XKR9: variants seen among roughly 807,000 people sequenced by gnomAD.
The protein encoded by XKR9 is XK-related protein 9.
In XKR9, 32 loss-of-function variants were observed where a neutral mutation model predicts 32.0. The ratio of observed to expected loss-of-function variants is 1.00; its 90% confidence interval spans 0.76 to 1.34. XKR9 has a LOEUF of 1.34. Ranked by LOEUF, XKR9 falls within the 40% of genes most tolerant of loss-of-function variation. The probability of loss-of-function intolerance (pLI) is 0.00; values close to 1 mark genes in which losing one functional copy is unlikely to be tolerated. For missense variants in XKR9, 546 were observed against 429.7 expected, an observed-to-expected ratio of 1.27 and a Z score of -2.39; for synonymous variants, 168 against 143.4, an observed-to-expected ratio of 1.17 and a Z score of -1.22.
chr8:70,975,424 T>C, the XKR9 span, among the ~76,000 whole-genome samples: 3 of 152,196 alleles, frequency 2.0e-5, no homozygotes, highest in African/African-American at 7.2e-5. Context: ...TTGTATAAGG[T>C]GTAAGGAAGG....
At chr8:70,680,150 TTC>T (rs1451149274) in intron 2 of XKR9, among the ~76,000 whole-genome samples, 1 of 152,160 alleles carries the variant, frequency 6.6e-6, no homozygotes, top group Non-Finnish European at 1.5e-5. Context: ...ATTTGCTTTT[TTC>T]ACTTAAAACA....
At chr8:70,703,673 T>C in intron 3 of XKR9, among the ~76,000 whole-genome samples, 1 of 152,200 alleles carries the variant, frequency 6.6e-6, no homozygotes, top group Non-Finnish European at 1.5e-5. Context: ...CTTTTGTTGC[T>C]CTTTTCTGCC....
the XKR9 span, among the ~76,000 whole-genome samples, chr8:70,873,988 A>G: frequency 5.9e-5 from 9 of 152,202 alleles, no homozygotes; most frequent in Non-Finnish European, 8.8e-5. Flanking sequence ...ACCAACCCTG[A>G]GGTGTAACCC....
the XKR9 span, among the ~76,000 whole-genome samples, chr8:70,958,932 T>C: frequency 1.3e-5 from 2 of 149,554 alleles, no homozygotes; most frequent in African/African-American, 4.9e-5. Flanking sequence ...AATTTGTGTG[T>C]ATATATATAT....
chr8:70,781,071 C>A (rs1385105695), intron 2 of XKR9: 1 of 151,976 alleles, frequency 6.6e-6, no homozygotes, highest in Non-Finnish European at 1.5e-5. Flanking sequence ...ACCAATAATT[C>A]TTTTCATTTT....
At chr8:71,042,234 A>G in the XKR9 span, among the ~76,000 whole-genome samples, 1 of 152,148 alleles carries the variant, frequency 6.6e-6, no homozygotes, top group Non-Finnish European at 1.5e-5. Flanking sequence ...ACCTCTAGCC[A>G]TATCTACCAA....
chr8:70,947,122 A>G, the XKR9 span, among the ~76,000 whole-genome samples: 28 of 152,358 alleles, frequency 1.8e-4, no homozygotes, highest in East Asian at 4.2e-3. Flanking sequence ...AGCCCCTGGC[A>G]GTTTAAAGCC....
At chr8:70,686,446 A>G (rs1377957564) in intron 3 of XKR9, among the ~76,000 whole-genome samples, 1 of 149,648 alleles carries the variant, frequency 6.7e-6, no homozygotes, top group Non-Finnish European at 1.5e-5. Context: ...GTAGAGACAG[A>G]GTTCTTTTTT....
At chr8:70,782,016 A>G (rs1173831246) in intron 2 of XKR9, among the ~76,000 whole-genome samples, 1 of 152,214 alleles carries the variant, frequency 6.6e-6, no homozygotes, top group Non-Finnish European at 1.5e-5. Flanking sequence ...ATTGTAAATT[A>G]TAAGCTCCAG....
At chr8:70,918,720 AAAACTAGAGGTTTTTGAAG>A in the XKR9 span, among the ~76,000 whole-genome samples, 2 of 151,214 alleles carry the variant, frequency 1.3e-5, no homozygotes, top group Non-Finnish European at 2.9e-5. Flanking sequence ...ACAAAAACAA[AAAACTAGAGGTTTTTGAAG>A]AGCTGGCATC....
the XKR9 span, among the ~76,000 whole-genome samples, chr8:70,995,306 T>C: frequency 1.3e-5 from 2 of 152,202 alleles, no homozygotes; most frequent in Non-Finnish European, 2.9e-5. Flanking sequence ...GAAATAACTA[T>C]GAATGCAAAA....
the XKR9 span, among the ~76,000 whole-genome samples, chr8:70,881,959 T>C: frequency 2.0e-5 from 3 of 152,166 alleles, no homozygotes; most frequent in South Asian, 2.1e-4. Context: ...TCATGTCCTT[T>C]GCAGGGACAT....
the XKR9 span, among the ~76,000 whole-genome samples, chr8:70,824,669 T>C: frequency 6.6e-6 from 1 of 152,108 alleles, no homozygotes; most frequent in Non-Finnish European, 1.5e-5. Flanking sequence ...ATTTTTTCTC[T>C]TTCTGTCTCT....
chr8:70,798,924 C>T, the XKR9 span, among the ~76,000 whole-genome samples: 11 of 152,242 alleles, frequency 7.2e-5, no homozygotes, highest in South Asian at 1.9e-3. Context: ...GTTTTTGTAC[C>T]AGTACCATGC....
At chr8:70,709,143 AT>A (rs1182007742) in intron 4 of XKR9, among the ~76,000 whole-genome samples, 21 of 152,230 alleles carry the variant, frequency 1.4e-4, no homozygotes, top group Non-Finnish European at 1.5e-5. Context: ...TTTATTCAAC[AT>A]ACATAAATCA....
the XKR9 span, among the ~76,000 whole-genome samples, chr8:70,946,463 G>A: frequency 7.2e-5 from 11 of 152,096 alleles, no homozygotes; most frequent in East Asian, 1.9e-4. Context: ...TCATCCAGGC[G>A]CTCTGCATAC....
chr8:70,845,861 C>G, the XKR9 span, among the ~76,000 whole-genome samples: 4 of 151,868 alleles, frequency 2.6e-5, no homozygotes, highest in Admixed American at 1.3e-4. Context: ...GTAAAGAGAC[C>G]AAAGGCATAG....
At chr8:70,863,332 A>G in the XKR9 span, among the ~76,000 whole-genome samples, 4 of 152,220 alleles carry the variant, frequency 2.6e-5, no homozygotes, top group Non-Finnish European at 5.9e-5. Flanking sequence ...CAATTACAGA[A>G]CTTACAAAAA....
chr8:70,723,727 C>G (rs1806359434), intron 4 of XKR9, among the ~76,000 whole-genome samples: 1 of 152,056 alleles, frequency 6.6e-6, no homozygotes, highest in South Asian at 2.1e-4. Context: ...TCAACTGGAG[C>G]TCTACTGTAT....
Sources: allele counts gnomAD v4.1 joint callset (sites outside exome capture counted in the v4.1 genomes callset), GRCh38; gene constraint gnomAD v4.1.1; transcripts MANE v1.5; gene names NCBI Gene and HGNC (gene_info 2026-07-23, HGNC 2026-07-21).